RNF144B: variants seen among roughly 807,000 people sequenced by gnomAD.
RNF144B encodes the protein E3 ubiquitin-protein ligase RNF144B.
A neutral mutation model predicts 40.2 loss-of-function variants in RNF144B; 25 were observed. The observed-to-expected ratio is 0.62, with a 90% confidence interval of 0.45 to 0.87. The LOEUF (loss-of-function observed/expected upper bound fraction) is 0.87. Among genes scored for constraint, RNF144B ranks in the 40% least tolerant of loss-of-function variants. The probability of loss-of-function intolerance (pLI) is 0.00; values close to 1 mark genes in which losing one functional copy is unlikely to be tolerated. For synonymous variants in RNF144B, 145 were observed against 136.3 expected, an observed-to-expected ratio of 1.06 and a Z score of -0.44; for missense variants, 365 against 373.7, an observed-to-expected ratio of 0.98 and a Z score of 0.19.
intron 2 of RNF144B, among the ~76,000 whole-genome samples, chr6:18,420,199 G>A (rs142031498): frequency 1.0e-3 from 159 of 151,640 alleles, no homozygotes; most frequent in Non-Finnish European, 1.7e-3. Flanking sequence ...ATACTTACTA[G>A]TCTACCATCT....
At chr6:18,427,187 G>C (rs559382291) in intron 2 of RNF144B, among the ~76,000 whole-genome samples, 20 of 152,144 alleles carry the variant, frequency 1.3e-4, no homozygotes, top group Non-Finnish European at 2.2e-4. Flanking sequence ...GGGTCACAGC[G>C]TTCTGTTCTA....
At chr6:18,436,094 C>A (rs1331985672) in intron 3 of RNF144B, among the ~76,000 whole-genome samples, 1 of 151,682 alleles carries the variant, frequency 6.6e-6, no homozygotes, top group African/African-American at 2.4e-5. Context: ...AATAATGAGA[C>A]ATGTTGTCCT....
At position 18,425,098 on chromosome 6, in the gene RNF144B, C is replaced by G. The variant is rs780755828; in HGVS notation, c.166-2483C>G. On this transcript the variant is annotated intron_variant, in intron 2 of 7. Transcript: ENST00000259939. The surrounding 1 kb of genome is among the most constrained non-coding windows in gnomAD (Gnocchi z 4.2). ...GTTAAAACCTGTGAGGTAACTATAACAGGTATTATTGTCCCTACTTTTTAA... is the reference window on the plus strand; with the variant it reads ...GTTAAAACCTGTGAGGTAACTATAAGAGGTATTATTGTCCCTACTTTTTAA... Among the ~76,000 whole-genome samples, 10 of 152,002 alleles carry G rather than the reference C, an allele frequency of 6.6e-5. No individual in the cohort carries two copies. Among genetic ancestry groups the G allele is most frequent in the Non-Finnish European group, 1.2e-4 (8 of 67,996 alleles).
chr6:18,434,133 C>A lies in RNF144B; in HGVS notation c.271-5551C>A, dbSNP rs544986973. Among the ~76,000 whole-genome samples the A allele has an allele frequency of 1.7e-4, 26 of 152,288 alleles. No individual in the cohort carries two copies. The highest frequency in any genetic ancestry group is 5.8e-4 in the African/African-American group (24 of 41,562). ...GGACCAAACCTAAGTAAAGTCTGGG[C>A]GCTTTTTCCTTCTGTTTGGGCTTTC... On this transcript the variant is annotated intron_variant, in intron 3 of 7. Coordinates refer to ENST00000259939, the MANE Select transcript of RNF144B (RefSeq NM_182757.4). The surrounding 1 kb of genome is among the most constrained non-coding windows in gnomAD (Gnocchi z 4.1).
intron 1 of RNF144B, among the ~76,000 whole-genome samples, chr6:18,393,549 G>A (rs1562038157): frequency 6.6e-6 from 1 of 152,184 alleles, no homozygotes; most frequent in South Asian, 2.1e-4. Flanking sequence ...GGAACCAGTA[G>A]CTAACCAAAC....
chr6:18,398,665 A>T lies in RNF144B; in HGVS notation c.-36-834A>T, dbSNP rs1445419118. On this transcript the variant is annotated intron_variant, in intron 1 of 7. Coordinates refer to ENST00000259939, the MANE Select transcript of RNF144B (RefSeq NM_182757.4). The surrounding 1 kb of genome is among the most constrained non-coding windows in gnomAD (Gnocchi z 5.0). ...TGCCTCGGCCTCCCACAGTGCTGGG[A>T]TTACAGGCATGAGCCACTGCGCCCA... Among the ~76,000 whole-genome samples the T allele has an allele frequency of 6.6e-6, 1 of 152,196 alleles. No homozygotes were observed. The highest frequency in any genetic ancestry group is 1.5e-5 in the Non-Finnish European group (1 of 68,036).
intron 3 of RNF144B, among the ~76,000 whole-genome samples, chr6:18,436,329 T>C (rs1019661572): frequency 3.3e-5 from 5 of 152,164 alleles, no homozygotes; most frequent in African/African-American, 1.2e-4. Context: ...TAGGTACAAG[T>C]TGGTTACCTG....
intron 2 of RNF144B, 145 bp from the exon 3 acceptor site, chr6:18,427,436 T>A: frequency 1.8e-6 from 1 of 554,854 alleles, no homozygotes; most frequent in Non-Finnish European, 3.2e-6. Flanking sequence ...GCTCTTAGTA[T>A]TCACACTTGT....
intron 2 of RNF144B, among the ~76,000 whole-genome samples, 177 bp from the exon 3 acceptor site, chr6:18,427,404 C>T (rs1334435093): frequency 1.3e-5 from 2 of 152,182 alleles, no homozygotes; most frequent in Non-Finnish European, 2.9e-5. Context: ...TTGCCTGTCT[C>T]TGCATTCTTT....
intron 3 of RNF144B, among the ~76,000 whole-genome samples, chr6:18,436,017 TATA>T (rs944027493): frequency 8.7e-5 from 13 of 149,732 alleles, no homozygotes; most frequent in East Asian, 2.0e-4. Context: ...AAACTTAAAG[TATA>T]ATAATAATAA....
intron 2 of RNF144B, among the ~76,000 whole-genome samples, chr6:18,408,698 G>A (rs2328263): frequency 0.4 from 61,020 of 151,906 alleles, 13,553 homozygotes; most frequent in East Asian, 0.57. Context: ...GTACCCTGTT[G>A]GAATGTAGGG....
In RNF144B at chr6:18,391,824, G is replaced by T. The variant is rs1281442731; in HGVS notation, c.-37+4194G>T. ...CGGAGCTTGCAGTGAGCCGAGATCG[G>T]GCCACTGCACTCCAGCCTGGGGGAC... On this transcript the variant is annotated intron_variant, in intron 1 of 7. Transcript: ENST00000259939. Among the ~76,000 whole-genome samples, 7 of 143,670 alleles carry T rather than the reference G, an allele frequency of 4.9e-5. No individual in the cohort carries two copies. In the Admixed American group the frequency reaches 4.9e-4, roughly 10 times the overall value. 94.3% of individuals were successfully genotyped at this position (143,670 alleles called of 152,430 possible). A position where few individuals can be genotyped will look rare whatever the true frequency, so the allele number is the denominator to read the frequency against.
intron 1 of RNF144B, 22 bp from the exon 2 acceptor site, chr6:18,399,477 T>G (rs1794755901): frequency 1.3e-6 from 2 of 1,536,622 alleles, no homozygotes; most frequent in Non-Finnish European, 1.8e-6. Context: ...TATAATATTT[T>G]CTGCTTTGGA....
In RNF144B at chr6:18,387,364, G is replaced by A. The variant is rs1294614142; in HGVS notation, c.-303G>A. ...CCGCTGCTGGCGAGCTGTGCCCCACGCTCCCGCTGCAACAGTCCCGGGCAT... is the reference window on the plus strand; with the variant it reads ...CCGCTGCTGGCGAGCTGTGCCCCACACTCCCGCTGCAACAGTCCCGGGCAT... On this transcript the variant is annotated 5_prime_UTR_variant, in exon 1 of 8. Transcript: ENST00000259939. The A allele has an allele frequency of 1.7e-6, 2 of 1,148,314 alleles. No individual in the cohort carries two copies. The highest frequency in any genetic ancestry group is 1.6e-5 in the African/African-American group (1 of 60,680). The allele number at this position is 1,148,314 out of a possible 1,614,324, so 71.1% of individuals were successfully genotyped here.
At chr6:18,453,344 G>A (rs985667816) in intron 4 of RNF144B, among the ~76,000 whole-genome samples, 15 of 151,714 alleles carry the variant, frequency 9.9e-5, no homozygotes, top group African/African-American at 3.6e-4. Flanking sequence ...TCACCATGTT[G>A]GCCAGGCTGA....
At chr6:18,389,588 T>C (rs545659371) in intron 1 of RNF144B, among the ~76,000 whole-genome samples, 3 of 152,336 alleles carry the variant, frequency 2.0e-5, no homozygotes, top group Non-Finnish European at 2.9e-5. Context: ...GCCTTGACTT[T>C]ATGACATTAC....
chr6:18,438,790 C>T (rs1039470550), intron 3 of RNF144B, among the ~76,000 whole-genome samples: 3 of 151,944 alleles, frequency 2.0e-5, no homozygotes, highest in African/African-American at 7.3e-5. Flanking sequence ...AAAACTCTGT[C>T]CTGTATGAAC....
chr6:18,412,993 A>G lies in RNF144B; in HGVS notation c.165+13294A>G, dbSNP rs151066424. Reference sequence around the variant, plus strand: ...AAATTACGGAAGGAAAAGCAAGGGCATTTGAGTACCTTTCATATAATATGT... The same window carrying G: ...AAATTACGGAAGGAAAAGCAAGGGCGTTTGAGTACCTTTCATATAATATGT... On this transcript the variant is annotated intron_variant, in intron 2 of 7. Transcript: ENST00000259939. The surrounding 1 kb of genome is among the most constrained non-coding windows in gnomAD (Gnocchi z 4.2). 1.9e-3 allele frequency among the ~76,000 whole-genome samples: 290 copies of G among 152,346 alleles called. 2 individuals carry two copies. Among genetic ancestry groups the G allele is most frequent in the African/African-American group, 6.6e-3 (274 of 41,586 alleles).
At chr6:18,399,816 T>G in intron 2 of RNF144B, 117 bp downstream of exon 2, 1 of 775,298 alleles carries the variant, frequency 1.3e-6, no homozygotes, top group Non-Finnish European at 2.0e-6. Context: ...GATCCTGCTT[T>G]GGAAAGCATT....
Sources: allele counts gnomAD v4.1 joint callset (sites outside exome capture counted in the v4.1 genomes callset), GRCh38; gene constraint gnomAD v4.1.1; non-coding constraint Gnocchi (gnomAD v3.1); transcripts MANE v1.5; gene names NCBI Gene and HGNC (gene_info 2026-07-23, HGNC 2026-07-21).